The following P3H2 variants were observed in gnomAD, a reference collection of about 807,000 sequenced individuals.
P3H2 encodes the protein leprecan-like 1.
Under a neutral mutation model 87.0 loss-of-function variants are expected in P3H2, and 80 were observed. The observed-to-expected ratio is 0.92, with a 90% CI of 0.77 to 1.11. The LOEUF is 1.11. P3H2 is among the 50% of genes least tolerant of loss of function. The pLI, the probability that P3H2 is intolerant of heterozygous loss-of-function variation, is 0.00. For missense variants in P3H2, 1,001 were observed against 923.9 expected (o/e 1.08, Z -1.08); for synonymous variants, 367 against 359.3 (o/e 1.02, Z -0.24).
At chr3:190,056,636 C>T (rs974773997) in intron 1 of P3H2, among the ~76,000 whole-genome samples, 8 of 152,152 alleles carry the variant, frequency 5.3e-5, no homozygotes, top group Non-Finnish European at 1.0e-4. Flanking sequence ...AGTCAAACTA[C>T]GATTAAGCTT....
At chr3:190,004,187 T>C (rs1368168729) in intron 1 of P3H2, among the ~76,000 whole-genome samples, 1 of 152,200 alleles carries the variant, frequency 6.6e-6, no homozygotes, top group African/African-American at 2.4e-5. Context: ...ATAGGTTGTA[T>C]GTTTTATATA....
intron 1 of P3H2, among the ~76,000 whole-genome samples, chr3:190,117,253 T>G (rs952613022): frequency 6.6e-6 from 1 of 152,206 alleles, no homozygotes; most frequent in African/African-American, 2.4e-5. Flanking sequence ...TTGAACTCAT[T>G]GGGTCTCAGA....
intron 1 of P3H2, among the ~76,000 whole-genome samples, chr3:190,014,816 A>G (rs1385401008): frequency 6.6e-6 from 1 of 152,102 alleles, no homozygotes; most frequent in Non-Finnish European, 1.5e-5. Flanking sequence ...TCAGAGCCAC[A>G]GAAACTTCCT....
At chr3:189,969,475 A>G (rs948281393) in intron 13 of P3H2, 18 of 926,108 alleles carry the variant, frequency 1.9e-5, no homozygotes, top group African/African-American at 3.3e-5. Flanking sequence ...TAGCACAACA[A>G]TGACTTCCAT....
At chr3:190,012,170 GA>G (rs992714627) in intron 1 of P3H2, among the ~76,000 whole-genome samples, 74 of 150,094 alleles carry the variant, frequency 4.9e-4, no homozygotes, top group African/African-American at 1.6e-3. Context: ...TAAGACAAGT[GA>G]AATTTCAAAA....
At chr3:190,055,224 G>A (rs1726112414) in intron 1 of P3H2, among the ~76,000 whole-genome samples, 1 of 152,136 alleles carries the variant, frequency 6.6e-6, no homozygotes, top group African/African-American at 2.4e-5. Flanking sequence ...CAAGCTGTGC[G>A]TAACATAGGG....
intron 1 of P3H2, among the ~76,000 whole-genome samples, chr3:190,003,208 A>G (rs1343897012): frequency 6.6e-6 from 1 of 152,150 alleles, no homozygotes; most frequent in East Asian, 1.9e-4. Context: ...TCAATTACTT[A>G]TGGTCCTGAT....
rs869099221 is a variant in P3H2, at chr3:189,973,511, C to CTTTTTT, written c.1548+392_1548+397dup. 3.9e-3 allele frequency among the ~76,000 whole-genome samples: 140 copies of CTTTTTT among 35,448 alleles called. 3 individuals carry two copies. Among genetic ancestry groups the CTTTTTT allele is most frequent in the African/African-American group, 0.013 (132 of 10,296 alleles). 23.3% of individuals were successfully genotyped at this position (35,448 alleles called of 152,430 possible). On this transcript the variant is annotated intron_variant, in intron 10 of 14. Transcript: ENST00000319332. ...AACTTTTTTCTTTCTTTCTTTCTTT[C>CTTTTTT]TTTTTTTTTTTTTTTTTTTTTTTTT...
chr3:189,993,706 T>C (rs1723950670), intron 3 of P3H2, among the ~76,000 whole-genome samples: 1 of 152,188 alleles, frequency 6.6e-6, no homozygotes, highest in Admixed American at 6.5e-5. Flanking sequence ...GATGCGTTTA[T>C]ATAACAGAGC....
chr3:190,055,510 C>T (rs1726121853), intron 1 of P3H2, among the ~76,000 whole-genome samples: 1 of 126,390 alleles, frequency 7.9e-6, no homozygotes, highest in Non-Finnish European at 1.6e-5. Context: ...GGGAATGAAA[C>T]TCTATACAGA....
chr3:190,024,530 CA>C (rs71635314), intron 1 of P3H2, among the ~76,000 whole-genome samples: 499 of 52,930 alleles, frequency 9.4e-3, no homozygotes, highest in Middle Eastern at 0.029. Flanking sequence ...GGTTCCCTCT[CA>C]AAAAAAAAAA....
In P3H2 at chr3:189,956,962, ACCAGG is replaced by A. The variant is rs1224714575; in HGVS notation, c.*945_*949del. 2 of 396,754 alleles carry A rather than the reference ACCAGG, an allele frequency of 5.0e-6. No homozygotes were observed. The highest frequency in any genetic ancestry group is 7.1e-5 in the East Asian group (2 of 28,018). 24.6% of individuals were successfully genotyped at this position (396,754 alleles called of 1,614,324 possible). A position where few individuals can be genotyped will look rare whatever the true frequency, so the allele number is the denominator to read the frequency against. On this transcript the variant is annotated 3_prime_UTR_variant, in exon 15 of 15. Transcript: ENST00000319332. Reference sequence around the variant, plus strand: ...GTATTCAAGAGTTTCTTCCAAAGTCACCAGGGTGAAAAGCCATTCTACTACAACCT... The same window carrying A: ...GTATTCAAGAGTTTCTTCCAAAGTCAGTGAAAAGCCATTCTACTACAACCT...
intron 1 of P3H2, among the ~76,000 whole-genome samples, chr3:190,100,759 G>C (rs1000770453): frequency 1.3e-5 from 2 of 152,104 alleles, no homozygotes; most frequent in Non-Finnish European, 2.9e-5. Context: ...ACAAAACTAT[G>C]ATCAAGTGCA....
At chr3:190,119,251 G>A (rs536719549) in intron 1 of P3H2, among the ~76,000 whole-genome samples, 1 of 150,546 alleles carries the variant, frequency 6.6e-6, no homozygotes, top group Admixed American at 6.6e-5. Context: ...GAGCAGAGCA[G>A]AGCAGCCTGG....
At chr3:190,073,124 G>A (rs937329093) in intron 1 of P3H2, among the ~76,000 whole-genome samples, 1 of 152,146 alleles carries the variant, frequency 6.6e-6, no homozygotes, top group Admixed American at 6.6e-5. Context: ...ATCAGAATTT[G>A]GCACTAAAGA....
chr3:190,047,335 A>G (rs1725839511), intron 1 of P3H2, among the ~76,000 whole-genome samples: 1 of 152,242 alleles, frequency 6.6e-6, no homozygotes, highest in Admixed American at 6.5e-5. Context: ...GAGTCCTCAA[A>G]AAACTAAAAG....
At chr3:190,085,693 T>TA (rs1441174868) in intron 1 of P3H2, among the ~76,000 whole-genome samples, 1 of 152,234 alleles carries the variant, frequency 6.6e-6, no homozygotes, top group East Asian at 1.9e-4. Flanking sequence ...CAGAAAATAC[T>TA]AATATTTATG....
At chr3:190,090,774 C>T (rs1430650190) in intron 1 of P3H2, among the ~76,000 whole-genome samples, 5 of 152,118 alleles carry the variant, frequency 3.3e-5, no homozygotes, top group Non-Finnish European at 5.9e-5. Context: ...CTTCACCAGG[C>T]ACTTGAACAC....
intron 1 of P3H2, among the ~76,000 whole-genome samples, chr3:190,114,615 T>C (rs1418368673): frequency 6.6e-6 from 1 of 152,150 alleles, no homozygotes; most frequent in Non-Finnish European, 1.5e-5. Context: ...TCTAATTCCT[T>C]AGCACACGGG....
Sources: gnomAD v4.1 joint callset for allele counts (sites outside exome capture counted in the v4.1 genomes callset) on GRCh38, gnomAD v4.1.1 for gene constraint, MANE v1.5 for transcripts, NCBI Gene and HGNC (gene_info 2026-07-23, HGNC 2026-07-21) for gene names.